Variants in ACVR1C observed in about 807,000 individuals in gnomAD.
ACVR1C encodes activin A receptor type 1C, also known as activin receptor type-1C.
Under a neutral mutation model 57.9 loss-of-function variants are expected in ACVR1C, and 23 were observed. The observed-to-expected ratio is 0.40, with a 90% confidence interval of 0.29 to 0.56. The LOEUF is 0.56. ACVR1C is among the 20% of genes least tolerant of loss of function. The pLI, the probability that ACVR1C is intolerant of heterozygous loss-of-function variation, is 0.50. For synonymous variants in ACVR1C, 214 were observed against 215.3 expected, an observed-to-expected ratio of 0.99 and a Z score of 0.05; for missense variants, 480 against 607.9, an observed-to-expected ratio of 0.79 and a Z score of 2.21.
chr2:157,596,719 C>A (rs1403725571), intron 1 of ACVR1C, among the ~76,000 whole-genome samples: 2 of 152,146 alleles, frequency 1.3e-5, no homozygotes, highest in Non-Finnish European at 2.9e-5. Flanking sequence ...ATATACAAAT[C>A]TCCTTGACAG....
chr2:157,536,683 G>GCTCTC (rs1687494904), intron 8 of ACVR1C, among the ~76,000 whole-genome samples: 1 of 152,050 alleles, frequency 6.6e-6, no homozygotes, highest in Non-Finnish European at 1.5e-5. Flanking sequence ...TTCACATCAG[G>GCTCTC]AAGTCAGAAA....
At chr2:157,584,727 C>T (rs1688875178) in intron 2 of ACVR1C, among the ~76,000 whole-genome samples, 1 of 152,160 alleles carries the variant, frequency 6.6e-6, no homozygotes, top group Non-Finnish European at 1.5e-5. Flanking sequence ...CCTGCAATTC[C>T]ACTCAGGTAT....
At chr2:157,576,111 T>C (rs1688643160) in intron 2 of ACVR1C, among the ~76,000 whole-genome samples, 2 of 151,954 alleles carry the variant, frequency 1.3e-5, no homozygotes, top group African/African-American at 4.8e-5. Context: ...CTGCTCAACA[T>C]TGGCACCCCC....
chr2:157,543,736 C>T (rs1007743291), intron 5 of ACVR1C, among the ~76,000 whole-genome samples: 6 of 152,072 alleles, frequency 3.9e-5, no homozygotes, highest in African/African-American at 1.2e-4. Context: ...GCAGTAGGTA[C>T]TATTTAGCTT....
At chr2:157,553,949 A>T (rs1687984705) in intron 3 of ACVR1C, among the ~76,000 whole-genome samples, 1 of 151,816 alleles carries the variant, frequency 6.6e-6, no homozygotes, top group Non-Finnish European at 1.5e-5. Context: ...TTGGGTGGCC[A>T]AGGCAGGCAG....
At chr2:157,536,627 C>A (rs771554462) in intron 8 of ACVR1C, among the ~76,000 whole-genome samples, 1 of 152,026 alleles carries the variant, frequency 6.6e-6, no homozygotes, top group Non-Finnish European at 1.5e-5. Context: ...AATCTTACAA[C>A]CACTAGGTCT....
chr2:157,605,910 A>G (rs897870313), intron 1 of ACVR1C, among the ~76,000 whole-genome samples: 4 of 151,548 alleles, frequency 2.6e-5, no homozygotes, highest in African/African-American at 9.7e-5. Flanking sequence ...CTAAATAATT[A>G]TATGTTTGCA....
chr2:157,610,157 T>G (rs907815191), intron 1 of ACVR1C, among the ~76,000 whole-genome samples: 1 of 152,136 alleles, frequency 6.6e-6, no homozygotes, highest in Non-Finnish European at 1.5e-5. Flanking sequence ...CTTTCATGTG[T>G]TTTCATGATG....
chr2:157,562,024 C>A (rs745999931), intron 2 of ACVR1C, among the ~76,000 whole-genome samples: 2 of 152,052 alleles, frequency 1.3e-5, no homozygotes, highest in African/African-American at 4.8e-5. Flanking sequence ...AGGCTGGGTG[C>A]GGTGGCTCAC....
chr2:157,542,039 C>A (rs953461358), intron 6 of ACVR1C, among the ~76,000 whole-genome samples: 1 of 152,146 alleles, frequency 6.6e-6, no homozygotes, highest in African/African-American at 2.4e-5. Flanking sequence ...TGGGCCTGAC[C>A]TGACACATGT....
At chr2:157,622,071 G>A (rs184940969) in intron 1 of ACVR1C, among the ~76,000 whole-genome samples, 154 of 152,216 alleles carry the variant, frequency 1.0e-3, no homozygotes, top group African/African-American at 3.5e-3. Context: ...AGAGTCATTT[G>A]TGTATCATTT....
At chr2:157,540,224 C>T (rs181352969) in intron 7 of ACVR1C, among the ~76,000 whole-genome samples, 1 of 152,350 alleles carries the variant, frequency 6.6e-6, no homozygotes, top group Non-Finnish European at 1.5e-5. Context: ...ACGCTTAGTC[C>T]TAAGTCTGTC....
intron 1 of ACVR1C, among the ~76,000 whole-genome samples, chr2:157,600,511 C>G (rs1009003361): frequency 6.6e-6 from 1 of 152,160 alleles, no homozygotes; most frequent in Non-Finnish European, 1.5e-5. Flanking sequence ...ACAGAACTAT[C>G]TGTCTCAAGT....
chr2:157,557,308 T>C (rs1159966491), intron 2 of ACVR1C, among the ~76,000 whole-genome samples: 1 of 152,228 alleles, frequency 6.6e-6, no homozygotes, highest in East Asian at 1.9e-4. Context: ...GAGTGGCCGC[T>C]GTGTGAATAG....
At chr2:157,583,337 C>G (rs1688834571) in intron 2 of ACVR1C, among the ~76,000 whole-genome samples, 1 of 152,086 alleles carries the variant, frequency 6.6e-6, no homozygotes, top group Non-Finnish European at 1.5e-5. Context: ...AAGACCTGTT[C>G]TCTGATAACT....
chr2:157,536,579 G>A (rs1380240421), intron 8 of ACVR1C, among the ~76,000 whole-genome samples: 5 of 152,084 alleles, frequency 3.3e-5, no homozygotes. Flanking sequence ...CAAGATTGAG[G>A]ACAAAATAAA....
At chr2:157,590,263 G>A (rs967128290) in intron 1 of ACVR1C, among the ~76,000 whole-genome samples, 1 of 151,860 alleles carries the variant, frequency 6.6e-6, no homozygotes, top group African/African-American at 2.4e-5. Flanking sequence ...TATAATCTTT[G>A]TTAGTAAAAC....
At chr2:157,604,089 G>A (rs1191872147) in intron 1 of ACVR1C, among the ~76,000 whole-genome samples, 1 of 152,012 alleles carries the variant, frequency 6.6e-6, no homozygotes, top group Non-Finnish European at 1.5e-5. Flanking sequence ...ATAATCTGCT[G>A]ATTTCCTGAT....
chr2:157,554,201 G>GAGAAAGAAAGAAAGAAAGAAAGGA (rs1687998293), intron 3 of ACVR1C, among the ~76,000 whole-genome samples: 1 of 41,440 alleles, frequency 2.4e-5, no homozygotes, highest in African/African-American at 1.4e-4. Context: ...ATAAAGAAGA[G>GAGAAAGAAAGAAAGAAAGAAAGGA]AGAAAGAAAG....
Sources: allele counts gnomAD v4.1 joint callset (sites outside exome capture counted in the v4.1 genomes callset), GRCh38; gene constraint gnomAD v4.1.1; transcripts MANE v1.5; gene names NCBI Gene and HGNC (gene_info 2026-07-23, HGNC 2026-07-21).